The following EXOC6B variants were observed in gnomAD, a reference collection of about 807,000 sequenced individuals.
EXOC6B encodes the protein exocyst complex component 6B.
Under a neutral mutation model 113.5 loss-of-function variants are expected in EXOC6B, and 54 were observed. The observed-to-expected ratio is 0.48, with a 90% CI of 0.38 to 0.60. EXOC6B has a LOEUF of 0.60. Ranked by LOEUF, EXOC6B falls within the 20% of genes least tolerant of loss-of-function variation. The pLI, the probability that EXOC6B is intolerant of heterozygous loss-of-function variation, is 0.00. For synonymous variants in EXOC6B, 357 were observed against 339.0 expected (o/e 1.05, Z -0.58); for missense variants, 797 against 977.5 (o/e 0.82, Z 2.46).
At chr2:72,587,978 G>A (rs1186387550) in intron 6 of EXOC6B, among the ~76,000 whole-genome samples, 1 of 152,014 alleles carries the variant, frequency 6.6e-6, no homozygotes, top group Non-Finnish European at 1.5e-5. Context: ...AAAACCACAA[G>A]GAGATATCCT....
chr2:72,339,880 C>T (rs1349561402), intron 19 of EXOC6B, among the ~76,000 whole-genome samples: 1 of 152,100 alleles, frequency 6.6e-6, no homozygotes, highest in Non-Finnish European at 1.5e-5. Flanking sequence ...AAATATCTAA[C>T]TCTTCATATT....
chr2:72,801,840 T>C (rs1288723879), intron 1 of EXOC6B, among the ~76,000 whole-genome samples: 1 of 152,172 alleles, frequency 6.6e-6, no homozygotes, highest in Non-Finnish European at 1.5e-5. Flanking sequence ...GTTATTACAG[T>C]CTCCTTAAAA....
At chr2:72,720,918 G>A (rs1188817459) in intron 5 of EXOC6B, among the ~76,000 whole-genome samples, 2 of 151,388 alleles carry the variant, frequency 1.3e-5, no homozygotes, top group Non-Finnish European at 2.9e-5. Flanking sequence ...TATAAGCATA[G>A]AAGGACAAAT....
chr2:72,373,491 G>A (rs558011637), intron 19 of EXOC6B, among the ~76,000 whole-genome samples: 13 of 152,274 alleles, frequency 8.5e-5, no homozygotes, highest in African/African-American at 2.9e-4. Flanking sequence ...AACCCACAGA[G>A]TAGTAGAAAA....
At chr2:72,340,920 C>T (rs1435443419) in intron 19 of EXOC6B, among the ~76,000 whole-genome samples, 1 of 151,988 alleles carries the variant, frequency 6.6e-6, no homozygotes, top group Non-Finnish European at 1.5e-5. Context: ...ACAGGGAATC[C>T]AATTCAGATC....
chr2:72,250,171 A>G (rs1332337241), intron 20 of EXOC6B, among the ~76,000 whole-genome samples: 1 of 152,170 alleles, frequency 6.6e-6, no homozygotes, highest in Non-Finnish European at 1.5e-5. Context: ...AGTTTCAATC[A>G]TTTTTATAAT....
At chr2:72,447,806 A>C (rs898144399) in intron 18 of EXOC6B, among the ~76,000 whole-genome samples, 4 of 152,282 alleles carry the variant, frequency 2.6e-5, no homozygotes, top group African/African-American at 9.6e-5. Flanking sequence ...GGGGGATCCA[A>C]TTATGGTTAT....
chr2:72,645,673 A>C (rs1673651323), intron 6 of EXOC6B, among the ~76,000 whole-genome samples: 5 of 152,210 alleles, frequency 3.3e-5, no homozygotes, highest in Admixed American at 3.3e-4. Flanking sequence ...AAACTGAACA[A>C]CCTGCTCCTG....
chr2:72,404,799 G>A lies in EXOC6B; in HGVS notation c.1981-24929C>T, dbSNP rs552982888. Among the ~76,000 whole-genome samples, 22 of 152,238 alleles carry A rather than the reference G, an allele frequency of 1.4e-4. No homozygotes were observed. The South Asian group carries it at 1.7e-3, about 11-fold the overall frequency. On this transcript the variant is annotated intron_variant, in intron 18 of 21. Transcript: ENST00000272427. The stretch of plus-strand genomic sequence containing the variant: ...AACTGGAAAGTCTAAAAATCAGAGC[G>A]CCTTTCCTCCTCCAAAGCAACGCAG...
chr2:72,648,372 C>A (rs1422943938), intron 6 of EXOC6B, among the ~76,000 whole-genome samples: 2 of 152,188 alleles, frequency 1.3e-5, no homozygotes, highest in African/African-American at 4.8e-5. Context: ...GACAGTGTGG[C>A]GATTCCTCAA....
chr2:72,597,112 G>A (rs1670124056), intron 6 of EXOC6B, among the ~76,000 whole-genome samples: 1 of 150,534 alleles, frequency 6.6e-6, no homozygotes, highest in Non-Finnish European at 1.5e-5. Flanking sequence ...GGAGTAAATA[G>A]AGATAGATAT....
At position 72,557,718 on chromosome 2, in the gene EXOC6B, G is replaced by C. The variant is rs147446999; in HGVS notation, c.915+1735C>G. 5.1e-3 allele frequency among the ~76,000 whole-genome samples: 772 copies of C among 152,096 alleles called. 14 individuals carry two copies. The highest frequency in any genetic ancestry group is 0.017 in the African/African-American group (715 of 41,512). On this transcript the variant is annotated intron_variant, in intron 8 of 21. Coordinates refer to ENST00000272427, the MANE Select transcript of EXOC6B (RefSeq NM_015189.3). The stretch of plus-strand genomic sequence containing the variant: ...TAATTTTTGGGTACTGGGCTTAATT[G>C]CTGGGTAATGAAATAATCTATACAA...
intron 18 of EXOC6B, among the ~76,000 whole-genome samples, chr2:72,401,606 TATATATATATATATAC>T (rs1468102371): frequency 1.8e-4 from 4 of 22,674 alleles, no homozygotes; most frequent in Admixed American, 1.7e-3. Context: ...TATATATGTG[TATATATATATATATAC>T]ATATATATAT....
rs1458495122 is a variant in EXOC6B at position 72,825,172 on chromosome 2, G to T, written c.113+626C>A. Among the ~76,000 whole-genome samples the T allele has an allele frequency of 3.9e-5, 6 of 152,150 alleles. No individual in the cohort carries two copies. Among genetic ancestry groups the T allele is most frequent in the Non-Finnish European group, 8.8e-5 (6 of 68,028 alleles). On this transcript the variant is annotated intron_variant, in intron 1 of 21. Transcript: ENST00000272427. This position sits in a 1 kb window ranked among gnomAD's most constrained non-coding sequence, Gnocchi z 4.4. ...TGCAAAAAAAAATGATAACTGGGGG[G>T]CGGCAGCAGGGTCAGTTTTCCCCAG...
chr2:72,600,494 G>C (rs1670355019), intron 6 of EXOC6B, among the ~76,000 whole-genome samples: 2 of 146,462 alleles, frequency 1.4e-5, no homozygotes, highest in African/African-American at 5.0e-5. Flanking sequence ...TGTGATATTG[G>C]CAAAAGAACA....
At chr2:72,282,771 A>G (rs1685204894) in intron 20 of EXOC6B, among the ~76,000 whole-genome samples, 1 of 152,180 alleles carries the variant, frequency 6.6e-6, no homozygotes, top group Admixed American at 6.6e-5. Flanking sequence ...GCATGACTAT[A>G]CTAACATCAG....
chr2:72,628,100 G>A (rs1558859151), intron 6 of EXOC6B, among the ~76,000 whole-genome samples: 1 of 151,822 alleles, frequency 6.6e-6, no homozygotes, highest in Non-Finnish European at 1.5e-5. Context: ...GATGCTTTTG[G>A]AGAAAATGAT....
intron 20 of EXOC6B, among the ~76,000 whole-genome samples, chr2:72,277,293 C>T (rs1684860883): frequency 6.6e-6 from 1 of 152,016 alleles, no homozygotes; most frequent in African/African-American, 2.4e-5. Flanking sequence ...TTTATGATTT[C>T]CAAATTGCAA....
intron 17 of EXOC6B, among the ~76,000 whole-genome samples, chr2:72,474,321 G>A (rs1698600944): frequency 6.6e-6 from 1 of 152,030 alleles, no homozygotes; most frequent in African/African-American, 2.4e-5. Flanking sequence ...CATTGGACTT[G>A]AGAAATTTTC....
Sources: gnomAD v4.1 joint callset for allele counts (sites outside exome capture counted in the v4.1 genomes callset) on GRCh38, gnomAD v4.1.1 for gene constraint, Gnocchi (gnomAD v3.1) non-coding constraint, MANE v1.5 for transcripts, NCBI Gene and HGNC (gene_info 2026-07-23, HGNC 2026-07-21) for gene names.